Variants in ASB14 observed in about 807,000 individuals in gnomAD.
ASB14 encodes the protein ankyrin repeat and SOCS box protein 14.
A neutral mutation model predicts 55.6 loss-of-function variants in ASB14; 63 were observed. The ratio of observed to expected loss-of-function variants is 1.13; its 90% CI spans 0.92 to 1.40. The LOEUF is 1.40. ASB14 is among the 40% of genes most tolerant of loss of function. ASB14 has a pLI of 0.00. For missense variants in ASB14, 724 were observed against 710.4 expected, an observed-to-expected ratio of 1.02 and a Z score of -0.22; for synonymous variants, 256 against 259.9, an observed-to-expected ratio of 0.98 and a Z score of 0.15.
chr3:57,286,931 C>G (rs1462948507), intron 5 of ASB14, among the ~76,000 whole-genome samples: 1 of 152,146 alleles, frequency 6.6e-6, no homozygotes, highest in African/African-American at 2.4e-5. Flanking sequence ...CTTCTGGAAG[C>G]TTTCCTGAAC....
At chr3:57,272,927 G>GAAAC (rs1225412362) in intron 10 of ASB14, 1 of 152,366 alleles carries the variant, frequency 6.6e-6, no homozygotes, top group African/African-American at 2.4e-5. Context: ...TGTTGGTTCT[G>GAAAC]AAACAGCCTC....
intron 10 of ASB14, chr3:57,270,333 G>A (rs1448950813): frequency 6.6e-6 from 1 of 152,652 alleles, no homozygotes; most frequent in Non-Finnish European, 1.5e-5. Context: ...AAGCTTAAGT[G>A]TCTTCAGTTC....
intron 2 of ASB14, among the ~76,000 whole-genome samples, chr3:57,291,436 CAAAA>C (rs2061127398): frequency 6.6e-6 from 1 of 152,078 alleles, no homozygotes; most frequent in Admixed American, 6.6e-5. Flanking sequence ...TGTTGTCCAA[CAAAA>C]CTCTGAATCT....
chr3:57,279,050 A>C (rs1028166366), intron 7 of ASB14, 130 bp from the exon 8 acceptor site: 13 of 806,836 alleles, frequency 1.6e-5, no homozygotes, highest in Non-Finnish European at 2.3e-5. Context: ...CAACCAAAAA[A>C]AAAAGCATAA....
At chr3:57,286,287 A>G (rs1426150411) in intron 5 of ASB14, among the ~76,000 whole-genome samples, 3 of 147,108 alleles carry the variant, frequency 2.0e-5, no homozygotes, top group Non-Finnish European at 4.5e-5. Context: ...TTTTTTTTTC[A>G]GCTTTTTATG....
Position 57,287,890 on chromosome 3 carries a change from TATTC to T in ASB14, c.469+7_469+10del. 1 of 1,536,596 alleles carries T rather than the reference TATTC, an allele frequency of 6.5e-7. No individual in the cohort carries two copies. The highest frequency in any genetic ancestry group is 8.7e-7 in the Non-Finnish European group (1 of 1,146,526). On this transcript the variant is annotated splice_region_variant and intron_variant, in intron 5 of 10. Transcript: ENST00000487349. ...GCCACAGACTCTTTCAGAAACAATG[TATTC>T]ATTTACCTGCAAGAAGAGGAGAATT...
intron 10 of ASB14, among the ~76,000 whole-genome samples, chr3:57,276,143 G>A (rs145303781): frequency 3.4e-4 from 52 of 151,460 alleles, no homozygotes; most frequent in African/African-American, 9.9e-4. Flanking sequence ...TGAGCACATA[G>A]ACATTGGATT....
chr3:57,291,837 A>C, intron 2 of ASB14, 75 bp downstream of exon 2: 59 of 1,312,124 alleles, frequency 4.5e-5, no homozygotes, highest in Middle Eastern at 1.9e-4. Flanking sequence ...TCACAACACT[A>C]GAGTTAAGCT....
Position 57,292,041 on chromosome 3 carries a change from G to C in ASB14, c.-8C>G. 6.5e-7 allele frequency: 1 copy of C among 1,533,394 alleles called. No homozygotes were observed. Among genetic ancestry groups the C allele is most frequent in the Non-Finnish European group, 8.7e-7 (1 of 1,143,994 alleles). The allele number at this position is 1,533,394 out of a possible 1,614,324, so 95.0% of individuals were successfully genotyped here. On this transcript the variant is annotated 5_prime_UTR_variant, in exon 2 of 11. Transcript: ENST00000487349. ...GCTGGTGTAATTATCCATGTGAAAC[G>C]TGGACAGGTTTACTTTAAAGTCAGA...
chr3:57,284,933 TCA>T (rs1317913347), intron 5 of ASB14, among the ~76,000 whole-genome samples: 1 of 128,098 alleles, frequency 7.8e-6, no homozygotes, highest in Non-Finnish European at 1.6e-5. Flanking sequence ...TCTTTAATTT[TCA>T]GTGTTGTTTT....
chr3:57,277,898 G>T lies in ASB14; in HGVS notation c.1454C>A (p.Ser485Ter). 2 of 1,612,286 alleles carry T rather than the reference G, an allele frequency of 1.2e-6. No individual in the cohort carries two copies. Among genetic ancestry groups the T allele is most frequent in the Admixed American group, 1.7e-5 (1 of 59,594 alleles). Residue 485 changes from serine to a stop codon, truncating the protein, a stop_gained, in exon 9 of 11, where the codon TCA becomes TAA. Coordinates refer to ENST00000487349, the MANE Select transcript of ASB14 (RefSeq NM_001142733.3). LOFTEE classifies it high-confidence loss of function. ...CTTTCCAGAGAGATGTTGCAGCCAT[G>T]ACAAAGTTATTACTTCACAGAACTG... is the stretch of plus-strand genomic sequence containing the variant. Reference protein sequence around the residue: ...DTKFCEVITLSWLQHLSGKVV... With the variant: ...DTKFCEVITL
chr3:57,280,559 A>G, intron 6 of ASB14, 86 bp from the exon 7 acceptor site: 2 of 1,256,230 alleles, frequency 1.6e-6, no homozygotes, highest in Middle Eastern at 2.1e-4. Context: ...CCCATCACCA[A>G]AAAGCAATTA....
At chr3:57,284,954 T>A (rs1452393345) in intron 5 of ASB14, among the ~76,000 whole-genome samples, 2 of 150,940 alleles carry the variant, frequency 1.3e-5, no homozygotes. Context: ...TTTTTTTTTT[T>A]TTTGAGACAG....
At chr3:57,269,914 C>G (rs1424857556) in intron 10 of ASB14, 2 of 363,598 alleles carry the variant, frequency 5.5e-6, no homozygotes, top group Admixed American at 4.4e-5. Context: ...TAAAGGAAAC[C>G]TGCTCATCTC....
At chr3:57,289,518 A>T (rs906135485) in intron 2 of ASB14, among the ~76,000 whole-genome samples, 1 of 152,170 alleles carries the variant, frequency 6.6e-6, no homozygotes, top group African/African-American at 2.4e-5. Context: ...AAACTATTTT[A>T]AAAAATAGTA....
At chr3:57,277,298 C>G (rs1384904137) in intron 9 of ASB14, among the ~76,000 whole-genome samples, 1 of 151,946 alleles carries the variant, frequency 6.6e-6, no homozygotes, top group Non-Finnish European at 1.5e-5. Context: ...GTTTTAGCCC[C>G]CTCAGGGACA....
At chr3:57,281,389 A>T (rs2061039221) in intron 6 of ASB14, among the ~76,000 whole-genome samples, 1 of 152,130 alleles carries the variant, frequency 6.6e-6, no homozygotes, top group African/African-American at 2.4e-5. Flanking sequence ...GAAGGAGAAA[A>T]GAGTTTGGGT....
intron 10 of ASB14, chr3:57,270,635 T>A (rs892239585): frequency 5.9e-5 from 9 of 152,646 alleles, no homozygotes; most frequent in African/African-American, 2.2e-4. Context: ...CAGAGTTTAG[T>A]TTAGAAAATG....
chr3:57,281,599 C>T (rs1183759701), intron 6 of ASB14, among the ~76,000 whole-genome samples: 1 of 152,122 alleles, frequency 6.6e-6, no homozygotes, highest in Non-Finnish European at 1.5e-5. Context: ...TCCAATAAGC[C>T]TCTGCTTATT....
Sources: allele counts gnomAD v4.1 joint callset (sites outside exome capture counted in the v4.1 genomes callset), GRCh38; gene constraint gnomAD v4.1.1; transcripts MANE v1.5; gene names NCBI Gene and HGNC (gene_info 2026-07-23, HGNC 2026-07-21).